PPP4R2: variants seen among roughly 807,000 people sequenced by gnomAD.
PPP4R2 encodes serine/threonine-protein phosphatase 4 regulatory subunit 2.
A neutral mutation model predicts 47.2 loss-of-function variants in PPP4R2; 13 were observed. That is an observed-to-expected ratio of 0.28 (90% confidence interval 0.18 to 0.44). PPP4R2 has a LOEUF of 0.44. Ranked by LOEUF, PPP4R2 falls within the 20% of genes least tolerant of loss-of-function variation. The pLI, the probability that PPP4R2 is intolerant of heterozygous loss-of-function variation, is 1.00. For missense variants in PPP4R2, 421 were observed against 491.2 expected (o/e 0.86, Z 1.35); for synonymous variants, 151 against 163.3 (o/e 0.92, Z 0.57).
intron 3 of PPP4R2, among the ~76,000 whole-genome samples, chr3:73,058,795 T>TCCCCCCCCCCC (rs549034573): frequency 3.9e-5 from 3 of 76,490 alleles, no homozygotes; most frequent in Non-Finnish European, 5.4e-5. Flanking sequence ...CCCCCCTCCC[T>TCCCCCCCCCCC]CCCCCCCCAC....
At chr3:73,048,922 T>C (rs1310360465) in intron 3 of PPP4R2, among the ~76,000 whole-genome samples, 3 of 152,152 alleles carry the variant, frequency 2.0e-5, no homozygotes, top group Non-Finnish European at 4.4e-5. Flanking sequence ...CAAAAATATT[T>C]TGTGGGGGAG....
intron 3 of PPP4R2, among the ~76,000 whole-genome samples, chr3:73,053,941 G>A (rs1164363116): frequency 1.4e-5 from 2 of 147,990 alleles, no homozygotes; most frequent in African/African-American, 5.0e-5. Flanking sequence ...TCTGTCATTT[G>A]ATTTGAGACA....
chr3:73,065,974 T>C lies in PPP4R2; in HGVS notation c.*252T>C, dbSNP rs1347571143. ...GGTCTGGGCAAATCAGTGGTTTGTG[T>C]ATAGATTTTTTTTTTTTTTTAATTT... On this transcript the variant is annotated 3_prime_UTR_variant, in exon 9 of 9. Transcript: ENST00000356692. The C allele has an allele frequency of 4.0e-6, 1 of 247,888 alleles. No individual in the cohort carries two copies. Among genetic ancestry groups the C allele is most frequent in the East Asian group, 6.5e-5 (1 of 15,448 alleles). The allele number at this position is 247,888 out of a possible 1,614,324, so 15.4% of individuals were successfully genotyped here.
intron 5 of PPP4R2, 191 bp from the exon 6 acceptor site, chr3:73,063,482 C>T (rs1417656527): frequency 2.8e-5 from 14 of 507,076 alleles, no homozygotes; most frequent in African/African-American, 5.9e-5. Context: ...AAAATAGCTG[C>T]GCATGGCATC....
At chr3:73,045,273 G>T (rs1371622767) in intron 2 of PPP4R2, among the ~76,000 whole-genome samples, 2 of 152,160 alleles carry the variant, frequency 1.3e-5, no homozygotes, top group Non-Finnish European at 2.9e-5. Context: ...AAAGTGCTGG[G>T]ATTACAGGCG....
chr3:72,997,261 C>G, intron 1 of PPP4R2, 190 bp downstream of exon 1: 1 of 429,854 alleles, frequency 2.3e-6, no homozygotes, highest in Non-Finnish European at 4.1e-6. Context: ...CCCGCTCTGG[C>G]TTTGTGTCGG....
intron 2 of PPP4R2, among the ~76,000 whole-genome samples, chr3:73,000,957 C>T (rs998403903): frequency 7.2e-5 from 11 of 152,080 alleles, no homozygotes; most frequent in Admixed American, 1.3e-4. Flanking sequence ...AAGTTGTCTC[C>T]CATTTGGTCA....
chr3:73,065,001 C>T lies in PPP4R2; in HGVS notation c.788C>T (p.Thr263Met), dbSNP rs777393029. ...GAAGTCAGAGAAACAGCCAGTCAAA[C>T]GACTTCCAGCGAAATTTCTTCAGTT... ...EGEVRETASQ[T>M]TSSEISSVMV... The change falls in exon 8 of 9, where the codon ACG becomes ATG. Residue 263 changes from threonine to methionine, a missense_variant. Coordinates refer to ENST00000356692, the MANE Select transcript of PPP4R2 (RefSeq NM_174907.4). 25 of 1,613,680 alleles carry T rather than the reference C, an allele frequency of 1.5e-5. No homozygotes were observed. The highest frequency in any genetic ancestry group is 2.2e-5 in the South Asian group (2 of 91,070).
At chr3:73,016,738 T>C (rs1354112036) in intron 2 of PPP4R2, among the ~76,000 whole-genome samples, 3 of 108,454 alleles carry the variant, frequency 2.8e-5, no homozygotes, top group Non-Finnish European at 5.9e-5. Context: ...TGTTTATTTT[T>C]ATTATTTTTT....
At chr3:73,004,199 C>A (rs1212070906) in intron 2 of PPP4R2, among the ~76,000 whole-genome samples, 1 of 150,840 alleles carries the variant, frequency 6.6e-6, no homozygotes, top group Non-Finnish European at 1.5e-5. Context: ...TTTTTTTGCC[C>A]CCCTTTTTAT....
intron 2 of PPP4R2, among the ~76,000 whole-genome samples, chr3:73,005,146 T>C (rs1398343171): frequency 6.6e-6 from 1 of 152,100 alleles, no homozygotes; most frequent in Admixed American, 6.6e-5. Context: ...TTTCACCATA[T>C]TGGCCAGGCT....
intron 2 of PPP4R2, among the ~76,000 whole-genome samples, chr3:73,018,294 C>T (rs1315648698): frequency 3.3e-5 from 5 of 151,868 alleles, no homozygotes; most frequent in African/African-American, 4.8e-5. Context: ...TTTTTGTATT[C>T]GTGGGTTCTA....
chr3:73,045,941 T>TA (rs1302884645), intron 2 of PPP4R2, among the ~76,000 whole-genome samples: 3 of 152,360 alleles, frequency 2.0e-5, no homozygotes, highest in South Asian at 4.1e-4. Flanking sequence ...ACCTCTTTGA[T>TA]ATGCAGCATA....
intron 5 of PPP4R2, chr3:73,062,569 C>T (rs776931255): frequency 1.9e-6 from 3 of 1,613,962 alleles, no homozygotes; most frequent in Non-Finnish European, 2.5e-6. Flanking sequence ...AGGGGTACTC[C>T]TTATGCTAGC....
At chr3:73,046,713 A>C (rs1246316276) in intron 2 of PPP4R2, among the ~76,000 whole-genome samples, 12 of 152,178 alleles carry the variant, frequency 7.9e-5, no homozygotes, top group Non-Finnish European at 1.8e-4. Context: ...GGGGAAAAAA[A>C]AGGAGAAAGT....
At chr3:72,998,223 GA>G in intron 2 of PPP4R2, 65 bp downstream of exon 2, 3 of 989,310 alleles carry the variant, frequency 3.0e-6, no homozygotes, top group South Asian at 1.6e-5. Flanking sequence ...TCAGGAAAGG[GA>G]AAAAAGTATA....
chr3:73,064,508 T>G (rs1201216808), intron 7 of PPP4R2, among the ~76,000 whole-genome samples: 1 of 152,304 alleles, frequency 6.6e-6, no homozygotes, highest in East Asian at 1.9e-4. Context: ...TGTTTATATC[T>G]TCAAATTTTC....
intron 2 of PPP4R2, among the ~76,000 whole-genome samples, chr3:73,011,766 G>A (rs1701729745): frequency 1.4e-5 from 2 of 147,368 alleles, no homozygotes; most frequent in South Asian, 4.7e-4. Context: ...TGATGAGACT[G>A]ATACGTGTAT....
chr3:72,998,931 A>G (rs1003150947), intron 2 of PPP4R2, among the ~76,000 whole-genome samples: 6 of 152,138 alleles, frequency 3.9e-5, no homozygotes, highest in African/African-American at 4.8e-5. Context: ...GTAGGTTTCT[A>G]TGGTTTCAAT....
Sources: allele counts gnomAD v4.1 joint callset (sites outside exome capture counted in the v4.1 genomes callset), GRCh38; gene constraint gnomAD v4.1.1; transcripts MANE v1.5; gene names NCBI Gene and HGNC (gene_info 2026-07-23, HGNC 2026-07-21).